Variants in CAMK2D observed in about 807,000 individuals in gnomAD.
CAMK2D encodes calcium/calmodulin dependent protein kinase II delta, also known as calcium/calmodulin-dependent protein kinase type II subunit delta.
A neutral mutation model predicts 84.0 loss-of-function variants in CAMK2D; 37 were observed. The observed-to-expected ratio is 0.44, with a 90% CI of 0.34 to 0.58. The LOEUF (loss-of-function observed/expected upper bound fraction) is 0.58. CAMK2D is among the 20% of genes least tolerant of loss of function. The pLI is 0.02. For missense variants in CAMK2D, 448 were observed against 652.5 expected (o/e 0.69, Z 3.41); for synonymous variants, 202 against 212.5 (o/e 0.95, Z 0.43).
chr4:113,679,461 C>G, intron 2 of CAMK2D: 1 of 978,346 alleles, frequency 1.0e-6, no homozygotes, highest in Non-Finnish European at 1.2e-6. Flanking sequence ...ATCATATATT[C>G]CAGCCACATA....
intron 4 of CAMK2D, among the ~76,000 whole-genome samples, chr4:113,552,514 T>G (rs551589362): frequency 6.6e-6 from 1 of 152,308 alleles, no homozygotes; most frequent in East Asian, 1.9e-4. Context: ...TGTGCATCCT[T>G]AAACATGTAT....
intron 2 of CAMK2D, among the ~76,000 whole-genome samples, chr4:113,698,055 C>T (rs536121684): frequency 6.6e-6 from 1 of 152,202 alleles, no homozygotes; most frequent in South Asian, 2.1e-4. Context: ...CTTAACTGAA[C>T]ATCACAGCTT....
chr4:113,737,630 T>C (rs568692597), intron 2 of CAMK2D, among the ~76,000 whole-genome samples: 1 of 152,270 alleles, frequency 6.6e-6, no homozygotes, highest in South Asian at 2.1e-4. Context: ...ACAGTTAAAA[T>C]GGTGGATTTT....
At chr4:113,565,754 A>G (rs2098720803) in intron 4 of CAMK2D, among the ~76,000 whole-genome samples, 1 of 152,144 alleles carries the variant, frequency 6.6e-6, no homozygotes, top group Non-Finnish European at 1.5e-5. Context: ...AGATGACAGA[A>G]TCACCTTAAT....
chr4:113,543,616 A>G (rs1189924604), intron 6 of CAMK2D, among the ~76,000 whole-genome samples: 1 of 152,032 alleles, frequency 6.6e-6, no homozygotes, highest in Middle Eastern at 3.2e-3. Flanking sequence ...GTATGCTCAC[A>G]TTTAAAATGA....
At chr4:113,682,840 C>T (rs934507926) in intron 2 of CAMK2D, among the ~76,000 whole-genome samples, 7 of 152,066 alleles carry the variant, frequency 4.6e-5, no homozygotes, top group Admixed American at 3.9e-4. Flanking sequence ...AATTAGTCAT[C>T]GAAGTTTTGC....
intron 18 of CAMK2D, among the ~76,000 whole-genome samples, chr4:113,457,930 CTG>C (rs774433013): frequency 3.9e-5 from 6 of 152,160 alleles, no homozygotes; most frequent in Non-Finnish European, 8.8e-5. Context: ...AGCACTGCCC[CTG>C]TCTTTTCCAG....
intron 3 of CAMK2D, among the ~76,000 whole-genome samples, chr4:113,614,919 G>A (rs1332354963): frequency 6.6e-6 from 1 of 152,090 alleles, no homozygotes; most frequent in Non-Finnish European, 1.5e-5. Flanking sequence ...AGCATGGTAG[G>A]GCAATGCTGC....
rs1351901176 is a variant in CAMK2D at position 113,451,655 on chromosome 4, T to C, written c.*2890A>G. 1 of 152,220 alleles carries C rather than the reference T, an allele frequency of 6.6e-6. No homozygotes were observed. The highest frequency in any genetic ancestry group is 2.4e-5 in the African/African-American group (1 of 41,470). The allele number at this position is 152,220 out of a possible 1,614,324, so 9.4% of individuals were successfully genotyped here. On this transcript the variant is annotated 3_prime_UTR_variant, in exon 21 of 21. Coordinates refer to ENST00000511664, the MANE Select transcript of CAMK2D (RefSeq NM_001321571.2). ...CCTCAATTCAACAACTATTTATCAA[T>C]GATATCTCCATTCCTGGCCTTGGTT...
intron 4 of CAMK2D, among the ~76,000 whole-genome samples, chr4:113,587,159 C>T (rs2098837816): frequency 6.6e-6 from 1 of 152,156 alleles, no homozygotes; most frequent in Admixed American, 6.5e-5. Flanking sequence ...ACTCTCCTCC[C>T]TCAATTTCAT....
At chr4:113,748,729 GAA>G (rs2099610374) in intron 2 of CAMK2D, among the ~76,000 whole-genome samples, 1 of 151,940 alleles carries the variant, frequency 6.6e-6, no homozygotes, top group Non-Finnish European at 1.5e-5. Flanking sequence ...TGAAGAAAAA[GAA>G]AGTGACAAAA....
At chr4:113,660,192 C>T (rs2099223018) in intron 3 of CAMK2D, among the ~76,000 whole-genome samples, 1 of 152,178 alleles carries the variant, frequency 6.6e-6, no homozygotes, top group South Asian at 2.1e-4. Context: ...GGGACAGTAA[C>T]ATTTTTCCAA....
intron 16 of CAMK2D, among the ~76,000 whole-genome samples, chr4:113,497,632 G>A (rs1016164477): frequency 6.6e-6 from 1 of 152,230 alleles, no homozygotes; most frequent in Non-Finnish European, 1.5e-5. Context: ...TTACCACAGT[G>A]TTTAATCCCC....
intron 16 of CAMK2D, among the ~76,000 whole-genome samples, chr4:113,469,884 C>T (rs1163060692): frequency 6.6e-6 from 1 of 152,156 alleles, no homozygotes; most frequent in African/African-American, 2.4e-5. Flanking sequence ...TTCCTCTTCA[C>T]CCCCACTCTC....
intron 2 of CAMK2D, among the ~76,000 whole-genome samples, chr4:113,688,407 C>T (rs994474827): frequency 1.3e-5 from 2 of 152,176 alleles, no homozygotes; most frequent in African/African-American, 4.8e-5. Flanking sequence ...AGTTAAATGA[C>T]ATGCTCTCTG....
intron 16 of CAMK2D, among the ~76,000 whole-genome samples, chr4:113,483,779 C>A (rs556126285): frequency 1.3e-5 from 2 of 151,844 alleles, no homozygotes; most frequent in Non-Finnish European, 2.9e-5. Flanking sequence ...CAGAGAGAGA[C>A]CCTGTCTCTA....
At chr4:113,574,432 A>G (rs750847998) in intron 4 of CAMK2D, among the ~76,000 whole-genome samples, 1 of 152,206 alleles carries the variant, frequency 6.6e-6, no homozygotes, top group Non-Finnish European at 1.5e-5. Context: ...AGGACTGTTG[A>G]AATAATCTAT....
rs1392413711 is a variant in CAMK2D at position 113,454,432 on chromosome 4, T to TGAAGAGGA, written c.*105_*112dup. ...AACTTCATGCACTCAGAAACATGCA[T>TGAAGAGGA]GAAGAGGAGGAGAGGACGGCCCAGG... On this transcript the variant is annotated 3_prime_UTR_variant, in exon 21 of 21. Coordinates refer to ENST00000511664, the MANE Select transcript of CAMK2D (RefSeq NM_001321571.2). 83 of 765,882 alleles carry TGAAGAGGA rather than the reference T, an allele frequency of 1.1e-4. No individual in the cohort carries two copies. In the African/African-American group the frequency reaches 1.3e-3, roughly 12 times the overall value. 47.4% of individuals were successfully genotyped at this position (765,882 alleles called of 1,614,324 possible).
At chr4:113,548,765 A>G in intron 5 of CAMK2D, 2 of 995,504 alleles carry the variant, frequency 2.0e-6, no homozygotes, top group Non-Finnish European at 3.2e-6. Context: ...AAGGGAGAAC[A>G]TTTTAAAGGC....
Sources: gnomAD v4.1 joint callset for allele counts (sites outside exome capture counted in the v4.1 genomes callset) on GRCh38, gnomAD v4.1.1 for gene constraint, MANE v1.5 for transcripts, NCBI Gene and HGNC (gene_info 2026-07-23, HGNC 2026-07-21) for gene names.